Variants in AMBP observed in about 807,000 individuals in gnomAD.
AMBP encodes the protein protein AMBP.
A neutral mutation model predicts 46.3 loss-of-function variants in AMBP; 37 were observed. The observed-to-expected ratio is 0.80, with a 90% confidence interval of 0.61 to 1.05. The LOEUF is 1.05. AMBP is among the 50% of genes least tolerant of loss of function. AMBP has a pLI of 0.00. For missense variants in AMBP, 475 were observed against 461.2 expected, an observed-to-expected ratio of 1.03 and a Z score of -0.27; for synonymous variants, 174 against 175.9, an observed-to-expected ratio of 0.99 and a Z score of 0.09.
chr9:114,068,820 A>C (rs994363837), intron 6 of AMBP, among the ~76,000 whole-genome samples: 3 of 151,138 alleles, frequency 2.0e-5, no homozygotes, highest in Non-Finnish European at 2.9e-5. Context: ...AAAAAAAAAA[A>C]AAAAAAAAAA....
At chr9:114,076,051 G>C (rs1846803762) in intron 2 of AMBP, among the ~76,000 whole-genome samples, 1 of 152,114 alleles carries the variant, frequency 6.6e-6, no homozygotes, top group Admixed American at 6.5e-5. Context: ...GGGCATTGGG[G>C]AGTCATGGAA....
intron 6 of AMBP, among the ~76,000 whole-genome samples, chr9:114,069,468 C>G (rs1373111711): frequency 6.6e-6 from 1 of 152,194 alleles, no homozygotes; most frequent in African/African-American, 2.4e-5. Flanking sequence ...TGTGATTATC[C>G]TGTTTTGAAG....
intron 6 of AMBP, among the ~76,000 whole-genome samples, chr9:114,068,020 A>G (rs1445175437): frequency 6.6e-6 from 1 of 152,220 alleles, no homozygotes; most frequent in Admixed American, 6.5e-5. Flanking sequence ...AAAAGATGGG[A>G]TTATGGAGAC....
Position 114,060,216 on chromosome 9 carries a change from C to CT in AMBP, c.*22dup, listed in dbSNP as rs760414094. ...CCCCGGGACAGACACTGGCCATCCTCTGACTTGCAGACCGGCCAGTTGTCA... is the reference window on the plus strand; with the variant it reads ...CCCCGGGACAGACACTGGCCATCCTCTTGACTTGCAGACCGGCCAGTTGTCA... On this transcript the variant is annotated 3_prime_UTR_variant, in exon 10 of 10. Transcript: ENST00000265132. 1 of 1,611,398 alleles carries CT rather than the reference C, an allele frequency of 6.2e-7. No homozygotes were observed. The highest frequency in any genetic ancestry group is 1.7e-5 in the Admixed American group (1 of 59,728).
chr9:114,072,892 G>A (rs1846760507), intron 5 of AMBP, 33 bp downstream of exon 5: 1 of 1,599,838 alleles, frequency 6.3e-7, no homozygotes, highest in Non-Finnish European at 8.6e-7. Flanking sequence ...ACGAAGAGGG[G>A]ACAGGAATTT....
chr9:114,070,790 G>A (rs1846736683), intron 5 of AMBP, among the ~76,000 whole-genome samples: 1 of 152,188 alleles, frequency 6.6e-6, no homozygotes, highest in Admixed American at 6.5e-5. Context: ...GGAGGAGGCT[G>A]TGTGTGAAGC....
At chr9:114,060,407 AT>A (rs200563827) in intron 9 of AMBP, 137 bp from the exon 10 acceptor site, 118 of 941,862 alleles carry the variant, frequency 1.3e-4, no homozygotes, top group South Asian at 2.0e-4. Context: ...AAATGATCAG[AT>A]TTTTTTTTCC....
Position 114,072,913 on chromosome 9 carries a change from G to A in AMBP, c.556+12C>T. On this transcript the variant is annotated intron_variant, in intron 5 of 9. Coordinates refer to ENST00000265132, the MANE Select transcript of AMBP (RefSeq NM_001633.4). ...AGGGGACAGGAATTTGAGGCGGAGG[G>A]GTGCTATGTACCTCGGTCAGCCATG... is the stretch of plus-strand genomic sequence containing the variant. The A allele has an allele frequency of 6.2e-7, 1 of 1,612,182 alleles. No individual in the cohort carries two copies. Among genetic ancestry groups the A allele is most frequent in the Non-Finnish European group, 8.5e-7 (1 of 1,178,546 alleles).
chr9:114,078,080 G>C lies in AMBP; in HGVS notation c.117+13C>G, dbSNP rs1489048869. ...CACCACATCCACCCTACCACAGAGAGCGGCAGCCTTACCCGAGAGATATTG... is the reference window on the plus strand; with the variant it reads ...CACCACATCCACCCTACCACAGAGACCGGCAGCCTTACCCGAGAGATATTG... On this transcript the variant is annotated intron_variant, in intron 1 of 9. Transcript: ENST00000265132. The C allele has an allele frequency of 1.2e-6, 2 of 1,613,872 alleles. No individual in the cohort carries two copies. Among genetic ancestry groups the C allele is most frequent in the Admixed American group, 3.3e-5 (2 of 60,030 alleles).
At chr9:114,069,617 G>C in intron 6 of AMBP, 82 bp downstream of exon 6, 2 of 1,277,758 alleles carry the variant, frequency 1.6e-6, no homozygotes, top group Non-Finnish European at 1.1e-6. Context: ...GCCTCCCCCC[G>C]CAGCAGGATC....
At chr9:114,061,907 T>C (rs964140101) in intron 7 of AMBP, among the ~76,000 whole-genome samples, 1 of 152,086 alleles carries the variant, frequency 6.6e-6, no homozygotes, top group African/African-American at 2.4e-5. Context: ...TGATGACATA[T>C]GTACCAGCAC....
chr9:114,072,506 T>A (rs1846755596), intron 5 of AMBP, among the ~76,000 whole-genome samples: 1 of 152,106 alleles, frequency 6.6e-6, no homozygotes, highest in East Asian at 1.9e-4. Flanking sequence ...CCAGGCCAAG[T>A]GGGTGGAACA....
At position 114,078,168 on chromosome 9, in the gene AMBP, G is replaced by C; in HGVS notation, c.42C>G (p.Cys14Trp). Residue 14 changes from cysteine to tryptophan, a missense_variant, in exon 1 of 10, where the codon TGC becomes TGG. Coordinates refer to ENST00000265132, the MANE Select transcript of AMBP (RefSeq NM_001633.4). Reference protein sequence around the residue: ...LGALLLLLSACLAVSAGPVPT... With the variant: ...LGALLLLLSAWLAVSAGPVPT... ...GCACAGGGCCAGCGCTCACCGCCAG[G>C]CAGGCGCTCAGCAGCAAGAGCAGGG... is the stretch of plus-strand genomic sequence containing the variant. The C allele has an allele frequency of 6.2e-7, 1 of 1,613,444 alleles. No individual in the cohort carries two copies. Among genetic ancestry groups the C allele is most frequent in the Non-Finnish European group, 8.5e-7 (1 of 1,180,032 alleles).
At position 114,061,098 on chromosome 9, in the gene AMBP, G is replaced by C; in HGVS notation, c.854C>G (p.Ala285Gly). 1 of 1,613,774 alleles carries C rather than the reference G, an allele frequency of 6.2e-7. No individual in the cohort carries two copies. The highest frequency in any genetic ancestry group is 8.5e-7 in the Non-Finnish European group (1 of 1,179,900). The change falls in exon 9 of 10, where the codon GCG (alanine) becomes GGG (glycine). Residue 285 changes from alanine to glycine, a missense_variant and splice_region_variant. Transcript: ENST00000265132. ...KECLQTCRTV[A>G]ACNLPIVRGP... ...CCGGACTATGGGGAGATTGCAGGCC[G>C]CTGTGGAGTGGAGAGAGGCATGGAA...
At chr9:114,062,642 A>G (rs762285271) in intron 7 of AMBP, 35 bp downstream of exon 7, 1 of 1,605,886 alleles carries the variant, frequency 6.2e-7, no homozygotes, top group Admixed American at 1.7e-5. Context: ...TTTCTGGAGT[A>G]TGGCAGAGGG....
In AMBP at chr9:114,074,222, C is replaced by T. The variant is rs551278314; in HGVS notation, c.338-70G>A. The T allele has an allele frequency of 4.8e-4, 572 of 1,188,844 alleles. 5 individuals carry two copies. In the African/African-American group the frequency reaches 7.8e-3, roughly 16 times the overall value. 73.6% of individuals were successfully genotyped at this position (1,188,844 alleles called of 1,614,324 possible). A position where few individuals can be genotyped will look rare whatever the true frequency, so the allele number is the denominator to read the frequency against. ...GACTCTTCTAGCTGGAGGTCCGTCA[C>T]CTGTTTACTCACACATCATCTCCTC... On this transcript the variant is annotated intron_variant, in intron 3 of 9. Coordinates refer to ENST00000265132, the MANE Select transcript of AMBP (RefSeq NM_001633.4).
Position 114,061,039 on chromosome 9 carries a change from A to G in AMBP, c.913T>C (p.Phe305Leu). ...PCRAFIQLWA[F>L]DAVKGKCVLF... is the part of the protein sequence containing the mutation. ...ACGCACTTCCCCTTGACAGCATCAA[A>G]TGCCCAGAGCTGGATGAAGGCTCGG... is the stretch of plus-strand genomic sequence containing the variant. Residue 305 changes from phenylalanine to leucine, a missense_variant, in exon 9 of 10, where the codon TTT (phenylalanine) becomes CTT (leucine). Around this residue, in one of 3 missense-constraint regions of AMBP, gnomAD observed 293 missense variants for 276.9 expected, o/e 1.06. Transcript: ENST00000265132. 3 of 1,614,218 alleles carry G rather than the reference A, an allele frequency of 1.9e-6. No individual in the cohort carries two copies. Among genetic ancestry groups the G allele is most frequent in the Non-Finnish European group, 2.5e-6 (3 of 1,180,032 alleles).
At chr9:114,075,082 A>T in intron 2 of AMBP, 46 bp from the exon 3 acceptor site, 1 of 1,540,904 alleles carries the variant, frequency 6.5e-7, no homozygotes, top group Non-Finnish European at 9.0e-7. Flanking sequence ...GGTAGAGATC[A>T]TGGTCCTGAC....
intron 1 of AMBP, among the ~76,000 whole-genome samples, chr9:114,077,824 T>C (rs1846830147): frequency 5.3e-5 from 8 of 152,146 alleles, no homozygotes; most frequent in Admixed American, 5.2e-4. Context: ...GACAAAGCCT[T>C]CTCTGGAGCA....
Sources: allele counts gnomAD v4.1 joint callset (sites outside exome capture counted in the v4.1 genomes callset), GRCh38; gene constraint gnomAD v4.1.1; regional missense constraint gnomAD v4.1.1; transcripts MANE v1.5; gene names NCBI Gene and HGNC (gene_info 2026-07-23, HGNC 2026-07-21).